Variants in CADPS observed in about 807,000 individuals in gnomAD.
CADPS encodes the protein calcium dependent secretion activator.
Under a neutral mutation model 167.3 loss-of-function variants are expected in CADPS, and 57 were observed. The ratio of observed to expected loss-of-function variants is 0.34; its 90% CI spans 0.28 to 0.42. CADPS has a LOEUF of 0.42. Ranked by LOEUF, CADPS falls within the 20% of genes least tolerant of loss-of-function variation. CADPS has a pLI of 1.00. For synonymous variants in CADPS, 676 were observed against 635.3 expected, an observed-to-expected ratio of 1.06 and a Z score of -0.96; for missense variants, 1,414 against 1,738.1, an observed-to-expected ratio of 0.81 and a Z score of 3.32.
intron 26 of CADPS, among the ~76,000 whole-genome samples, chr3:62,453,587 A>AC (rs1331119397): frequency 1.3e-5 from 2 of 152,176 alleles, no homozygotes; most frequent in Non-Finnish European, 2.9e-5. Context: ...CAACTGAGGG[A>AC]CTGACTGCTT....
intron 3 of CADPS, among the ~76,000 whole-genome samples, chr3:62,713,320 G>A (rs2083776024): frequency 6.6e-6 from 1 of 152,136 alleles, no homozygotes; most frequent in Non-Finnish European, 1.5e-5. Flanking sequence ...GGTAGGAGGT[G>A]GGGCTCAGGG....
At chr3:62,425,315 T>C (rs570265669) in intron 28 of CADPS, among the ~76,000 whole-genome samples, 2 of 152,172 alleles carry the variant, frequency 1.3e-5, no homozygotes, top group Non-Finnish European at 2.9e-5. Flanking sequence ...ATCCATTAGA[T>C]GCCAGTAGCA....
chr3:62,532,973 T>G lies in CADPS; in HGVS notation c.2189A>C (p.Tyr730Ser), dbSNP rs1386786235. ...GVRGCHRHLC[Y>S]LRDLLERAEN... ...TGCCCGTTCAAGCAAGTCTCTGAGG[T>G]AGCAGAGATGTCGGTGACACCCCCG... The change falls in exon 13 of 30, where the codon TAC becomes TCC. Residue 730 changes from tyrosine to serine, a missense_variant. Transcript: ENST00000383710. 7 of 1,613,526 alleles carry G rather than the reference T, an allele frequency of 4.3e-6. No homozygotes were observed. The highest frequency in any genetic ancestry group is 5.9e-6 in the Non-Finnish European group (7 of 1,179,692).
chr3:62,795,351 A>G (rs2093333367), intron 1 of CADPS, among the ~76,000 whole-genome samples: 1 of 152,148 alleles, frequency 6.6e-6, no homozygotes, highest in Admixed American at 6.6e-5. Flanking sequence ...TACCATTAAA[A>G]AAATACTCTT....
chr3:62,497,391 C>A (rs1052150865), intron 18 of CADPS, among the ~76,000 whole-genome samples: 1 of 152,174 alleles, frequency 6.6e-6, no homozygotes, highest in Non-Finnish European at 1.5e-5. Flanking sequence ...AGAGCCTCAA[C>A]CACTCAGATC....
At chr3:62,851,862 C>T (rs975662265) in intron 1 of CADPS, among the ~76,000 whole-genome samples, 1 of 151,866 alleles carries the variant, frequency 6.6e-6, no homozygotes, top group South Asian at 2.1e-4. Context: ...TAACATCCTG[C>T]AGAGTGTTTT....
intron 4 of CADPS, among the ~76,000 whole-genome samples, chr3:62,658,503 C>G (rs966314112): frequency 5.3e-5 from 8 of 152,116 alleles, no homozygotes; most frequent in Non-Finnish European, 1.2e-4. Context: ...GTCAGATTCT[C>G]TAATGTCTCT....
chr3:62,712,065 C>T (rs2083496895), intron 3 of CADPS, among the ~76,000 whole-genome samples: 1 of 152,142 alleles, frequency 6.6e-6, no homozygotes, highest in Non-Finnish European at 1.5e-5. Flanking sequence ...TTAATGACTA[C>T]ACAAAATTTC....
At chr3:62,553,880 G>A (rs902045963) in intron 10 of CADPS, among the ~76,000 whole-genome samples, 2 of 152,216 alleles carry the variant, frequency 1.3e-5, no homozygotes, top group Non-Finnish European at 2.9e-5. Flanking sequence ...AGAATGTGAT[G>A]TGTGACCTCA....
chr3:62,632,698 G>C lies in CADPS; in HGVS notation c.1325+13024C>G, dbSNP rs142791045. ...ATAATACCTCCCTACCTAGCAGCAAGCACGACCACAAGCACAGTGCAATCT... is the reference window on the plus strand; with the variant it reads ...ATAATACCTCCCTACCTAGCAGCAACCACGACCACAAGCACAGTGCAATCT... On this transcript the variant is annotated intron_variant, in intron 6 of 29. Transcript: ENST00000383710. Among the ~76,000 whole-genome samples the C allele has an allele frequency of 5.9e-4, 90 of 152,138 alleles. 1 individual carries two copies. In the East Asian group the frequency reaches 0.016, roughly 28 times the overall value.
chr3:62,416,046 C>T (rs1050369771), intron 28 of CADPS, among the ~76,000 whole-genome samples: 3 of 152,116 alleles, frequency 2.0e-5, no homozygotes, highest in Non-Finnish European at 4.4e-5. Context: ...CTTCAGAATG[C>T]GGGTTTTCTA....
At chr3:62,664,857 A>G (rs936878397) in intron 3 of CADPS, among the ~76,000 whole-genome samples, 1 of 152,256 alleles carries the variant, frequency 6.6e-6, no homozygotes, top group African/African-American at 2.4e-5. Flanking sequence ...GAAACAGCAG[A>G]AAATGCTGGC....
intron 1 of CADPS, among the ~76,000 whole-genome samples, chr3:62,868,973 A>G (rs1450991655): frequency 1.3e-5 from 2 of 152,090 alleles, no homozygotes; most frequent in East Asian, 3.8e-4. Context: ...GGTTTGAGCT[A>G]AAACACAGGT....
chr3:62,788,624 T>A (rs1182111262), intron 1 of CADPS, among the ~76,000 whole-genome samples: 1 of 152,170 alleles, frequency 6.6e-6, no homozygotes, highest in Non-Finnish European at 1.5e-5. Context: ...TAGCTTTTGA[T>A]GTGATGATAT....
intron 11 of CADPS, among the ~76,000 whole-genome samples, chr3:62,539,386 C>T (rs2075312398): frequency 6.6e-6 from 1 of 151,990 alleles, no homozygotes; most frequent in South Asian, 2.1e-4. Flanking sequence ...TTTTACTTGC[C>T]CCAAATTATC....
chr3:62,504,274 C>A (rs1211747068), intron 17 of CADPS, among the ~76,000 whole-genome samples: 1 of 152,182 alleles, frequency 6.6e-6, no homozygotes, highest in African/African-American at 2.4e-5. Context: ...AACTACTAAT[C>A]CTTTCATCAT....
chr3:62,710,318 T>C (rs976599445), intron 3 of CADPS, among the ~76,000 whole-genome samples: 3 of 151,924 alleles, frequency 2.0e-5, no homozygotes, highest in African/African-American at 7.3e-5. Context: ...TACTGATTCC[T>C]GGGCCCTGGC....
At chr3:62,526,741 G>A (rs2151892166) in intron 13 of CADPS, among the ~76,000 whole-genome samples, 1 of 152,216 alleles carries the variant, frequency 6.6e-6, no homozygotes, top group South Asian at 2.1e-4. Flanking sequence ...TTCAGAAAAT[G>A]GGTTCAGTTT....
chr3:62,586,791 A>G (rs1360427781), intron 7 of CADPS, among the ~76,000 whole-genome samples: 3 of 152,206 alleles, frequency 2.0e-5, no homozygotes, highest in Non-Finnish European at 4.4e-5. Context: ...AACATTTTAT[A>G]TTACATAAGT....
Sources: gnomAD v4.1 joint callset for allele counts (sites outside exome capture counted in the v4.1 genomes callset) on GRCh38, gnomAD v4.1.1 for gene constraint, MANE v1.5 for transcripts, NCBI Gene and HGNC (gene_info 2026-07-23, HGNC 2026-07-21) for gene names.